Variants in ARID2 observed in about 807,000 individuals in gnomAD.
The protein encoded by ARID2 is AT-rich interactive domain-containing protein 2.
ARID2 carries 32 observed loss-of-function variants against 184.6 expected under a neutral mutation model. The ratio of observed to expected loss-of-function variants is 0.17; its 90% CI spans 0.13 to 0.23. The LOEUF (loss-of-function observed/expected upper bound fraction) is 0.23, where lower values mean the gene tolerates loss of function less well. Among genes scored for constraint, ARID2 ranks in the 10% least tolerant of loss-of-function variants. The probability of loss-of-function intolerance (pLI) is 1.00; values close to 1 mark genes in which losing one functional copy is unlikely to be tolerated. For missense variants in ARID2, 1,696 were observed against 2,197.6 expected, an observed-to-expected ratio of 0.77 and a Z score of 4.56; for synonymous variants, 836 against 772.6, an observed-to-expected ratio of 1.08 and a Z score of -1.36.
At chr12:45,855,277 AT>A (rs1410959726) in intron 15 of ARID2, among the ~76,000 whole-genome samples, 1 of 152,214 alleles carries the variant, frequency 6.6e-6, no homozygotes, top group East Asian at 1.9e-4. Flanking sequence ...AAATCAATAC[AT>A]TTTGTTCCTA....
At chr12:45,876,444 G>A (rs150496255) in intron 16 of ARID2, among the ~76,000 whole-genome samples, 161 of 152,228 alleles carry the variant, frequency 1.1e-3, no homozygotes, top group Middle Eastern at 0.01. Context: ...CAGCTAGTAG[G>A]GAGGCTGAGG....
chr12:45,732,371 A>C (rs1190345678), intron 3 of ARID2, among the ~76,000 whole-genome samples: 1 of 152,180 alleles, frequency 6.6e-6, no homozygotes, highest in Admixed American at 6.5e-5. Flanking sequence ...GCACAGGTGT[A>C]CTTTCTATTG....
At chr12:45,757,604 A>G (rs1301713489) in intron 3 of ARID2, among the ~76,000 whole-genome samples, 3 of 152,238 alleles carry the variant, frequency 2.0e-5, no homozygotes, top group African/African-American at 4.8e-5. Flanking sequence ...GGAGAAGCCA[A>G]GTTTTAGTGG....
intron 6 of ARID2, among the ~76,000 whole-genome samples, chr12:45,822,827 A>G (rs1942923853): frequency 1.3e-5 from 2 of 152,196 alleles, no homozygotes; most frequent in Admixed American, 1.3e-4. Flanking sequence ...CCAGATGTAT[A>G]AAGCAAATAT....
chr12:45,864,284 A>G (rs1352056103), intron 16 of ARID2, among the ~76,000 whole-genome samples: 1 of 152,132 alleles, frequency 6.6e-6, no homozygotes, highest in Non-Finnish European at 1.5e-5. Flanking sequence ...TTAGATATAA[A>G]TACTATATAC....
At chr12:45,833,215 G>A (rs1190486616) in intron 6 of ARID2, among the ~76,000 whole-genome samples, 1 of 152,032 alleles carries the variant, frequency 6.6e-6, no homozygotes, top group East Asian at 1.9e-4. Context: ...GGTTTTATTG[G>A]GGGTATTAAA....
intron 16 of ARID2, among the ~76,000 whole-genome samples, chr12:45,887,438 TG>T (rs1456410114): frequency 6.6e-6 from 1 of 152,210 alleles, no homozygotes; most frequent in Non-Finnish European, 1.5e-5. Flanking sequence ...GAATAACATT[TG>T]TTTTTATATA....
intron 6 of ARID2, among the ~76,000 whole-genome samples, chr12:45,825,858 T>A (rs1243009487): frequency 6.6e-6 from 1 of 151,972 alleles, no homozygotes; most frequent in African/African-American, 2.4e-5. Flanking sequence ...AGTGAGACCC[T>A]GTCTTTAAGG....
intron 3 of ARID2, among the ~76,000 whole-genome samples, chr12:45,759,002 C>T (rs1941623618): frequency 1.3e-5 from 2 of 151,988 alleles, no homozygotes; most frequent in Admixed American, 6.6e-5. Flanking sequence ...ATAAAAGACA[C>T]GCACACACAC....
chr12:45,870,956 AACTC>A (rs1943917497), intron 16 of ARID2, among the ~76,000 whole-genome samples: 1 of 152,204 alleles, frequency 6.6e-6, no homozygotes, highest in Non-Finnish European at 1.5e-5. Context: ...TTTTTCAACT[AACTC>A]ATTTGGGCAA....
chr12:45,899,669 GGTTATATATGGTTATATATATA>G (rs1944424309), intron 20 of ARID2, among the ~76,000 whole-genome samples: 1 of 17,474 alleles, frequency 5.7e-5, no homozygotes, highest in Non-Finnish European at 1.8e-4. Context: ...ATATATATAT[GGTTATATATGGTTATATATATA>G]TGGTTATATA....
rs1944539635 is a variant in ARID2, at chr12:45,907,058, C to G, written c.*1980C>G. On this transcript the variant is annotated 3_prime_UTR_variant, in exon 21 of 21. Transcript: ENST00000334344. The stretch of plus-strand genomic sequence containing the variant: ...TCCCTGGCGCTGTCCTGCCATGTCT[C>G]AAAGGAATGTTTGAGAAACTTCATC... 4.3e-6 allele frequency: 1 copy of G among 231,892 alleles called. No homozygotes were observed. The highest frequency in any genetic ancestry group is 2.2e-5 in the African/African-American group (1 of 45,284). 14.4% of individuals were successfully genotyped at this position (231,892 alleles called of 1,614,324 possible).
intron 20 of ARID2, among the ~76,000 whole-genome samples, chr12:45,898,955 A>G (rs1944405554): frequency 6.6e-6 from 1 of 151,848 alleles, no homozygotes; most frequent in Non-Finnish European, 1.5e-5. Context: ...TTATACCTCA[A>G]TGAAGGTGTT....
chr12:45,786,550 A>T (rs1942198843), intron 3 of ARID2, among the ~76,000 whole-genome samples: 1 of 152,210 alleles, frequency 6.6e-6, no homozygotes, highest in East Asian at 1.9e-4. Flanking sequence ...GAAAGGGAGA[A>T]ATTAGTATAG....
At chr12:45,819,750 T>TC (rs1420546221) in intron 5 of ARID2, among the ~76,000 whole-genome samples, 5 of 151,620 alleles carry the variant, frequency 3.3e-5, no homozygotes, top group Non-Finnish European at 5.9e-5. Flanking sequence ...TTTTTGGGTT[T>TC]TTTTTTTTTA....
chr12:45,849,742 T>C lies in ARID2; in HGVS notation c.1878T>C (p.Ser626=). The C allele has an allele frequency of 1.2e-6, 2 of 1,613,494 alleles. No homozygotes were observed. Among genetic ancestry groups the C allele is most frequent in the South Asian group, 1.1e-5 (1 of 90,956 alleles). Residue 626 remains serine, a synonymous_variant, in exon 14 of 21, where the codon TCT becomes TCC. Transcript: ENST00000334344. ...PVSTSVVRVD[S]VPDVSPAPSP... ...CTACTTCTGTTGTTCGTGTTGATTC[T>C]GTTCCTGATGTATCTCCTGCTCCTT...
chr12:45,737,869 C>G (rs1941160597), intron 3 of ARID2, among the ~76,000 whole-genome samples: 2 of 152,160 alleles, frequency 1.3e-5, no homozygotes, highest in South Asian at 4.1e-4. Flanking sequence ...CCTGTCATCT[C>G]TGACCACAGC....
intron 12 of ARID2, among the ~76,000 whole-genome samples, chr12:45,848,238 T>C (rs1231753868): frequency 1.3e-5 from 2 of 151,976 alleles, no homozygotes; most frequent in South Asian, 4.1e-4. Flanking sequence ...TAGGTAAAGG[T>C]CATTTTAAGA....
At chr12:45,783,461 G>A (rs1199828282) in intron 3 of ARID2, among the ~76,000 whole-genome samples, 2 of 152,198 alleles carry the variant, frequency 1.3e-5, no homozygotes, top group Non-Finnish European at 2.9e-5. Context: ...TATGCTCAAT[G>A]GTGAAATGTT....
Sources: allele counts gnomAD v4.1 joint callset (sites outside exome capture counted in the v4.1 genomes callset), GRCh38; gene constraint gnomAD v4.1.1; transcripts MANE v1.5; gene names NCBI Gene and HGNC (gene_info 2026-07-23, HGNC 2026-07-21).